Variants in HJURP observed in about 807,000 individuals in gnomAD.
HJURP encodes the protein Holliday junction recognition protein, also known as 14-3-3-associated AKT substrate.
HJURP carries 49 observed loss-of-function variants against 72.0 expected under a neutral mutation model. That is an observed-to-expected ratio of 0.68 (90% CI 0.54 to 0.86). The LOEUF is 0.86. Among genes scored for constraint, HJURP ranks in the 40% least tolerant of loss-of-function variants. The pLI is 0.00. For synonymous variants in HJURP, 357 were observed against 347.1 expected (o/e 1.03, Z -0.32); for missense variants, 908 against 936.3 (o/e 0.97, Z 0.39).
chr2:233,847,358 C>A (rs368354355), intron 5 of HJURP, 39 bp downstream of exon 5: 2 of 1,520,578 alleles, frequency 1.3e-6, no homozygotes, highest in East Asian at 4.5e-5. Flanking sequence ...AGCCCCCAAG[C>A]GCCCCCTCTG....
At chr2:233,847,924 G>C (rs1705407407) in intron 4 of HJURP, among the ~76,000 whole-genome samples, 1 of 152,170 alleles carries the variant, frequency 6.6e-6, no homozygotes, top group Admixed American at 6.5e-5. Context: ...AGGGCTGGTG[G>C]GTGCCATACT....
intron 8 of HJURP, among the ~76,000 whole-genome samples, 173 bp from the exon 9 acceptor site, chr2:233,837,825 A>C (rs1446088626): frequency 1.3e-5 from 2 of 152,202 alleles, no homozygotes; most frequent in Admixed American, 6.5e-5. Flanking sequence ...ACAAAAATAT[A>C]ATGGCAACCC....
In HJURP at chr2:233,841,874, CT is replaced by C; in HGVS notation, c.905del (p.Lys302ArgfsTer4). 2 of 1,614,200 alleles carry C rather than the reference CT, an allele frequency of 1.2e-6. No individual in the cohort carries two copies. The highest frequency in any genetic ancestry group is 2.2e-5 in the South Asian group (2 of 91,086). ...NWNSRRRHRY[K>X]SRMNKTYCKG... ...TGCAATATGTTTTGTTCATCCTGCT[CT>C]TATATCTGTGCCTCCTCCTGGAGTT... On this transcript the variant is annotated frameshift_variant, in exon 8 of 9. Coordinates refer to ENST00000411486, the MANE Select transcript of HJURP (RefSeq NM_018410.5). LOFTEE classifies it high-confidence loss of function.
In HJURP at chr2:233,846,707, G is replaced by A. The variant is rs1275666033; in HGVS notation, c.402+690C>T. ...GTCACTGAAAGTCACACATGGGTGCGTGGGAAACCCTCTGCACAAAAGTAG... is the reference window on the plus strand; with the variant it reads ...GTCACTGAAAGTCACACATGGGTGCATGGGAAACCCTCTGCACAAAAGTAG... On this transcript the variant is annotated intron_variant, in intron 5 of 8. Coordinates refer to ENST00000411486, the MANE Select transcript of HJURP (RefSeq NM_018410.5). The surrounding 1 kb of genome is among the most constrained non-coding windows in gnomAD (Gnocchi z 4.3). 1.3e-5 allele frequency among the ~76,000 whole-genome samples: 2 copies of A among 152,146 alleles called. No individual in the cohort carries two copies. Among genetic ancestry groups the A allele is most frequent in the African/African-American group, 2.4e-5 (1 of 41,432 alleles).
At position 233,845,749 on chromosome 2, in the gene HJURP, T is replaced by C; in HGVS notation, c.474A>G (p.Leu158=). 1.2e-6 allele frequency: 2 copies of C among 1,609,696 alleles called. No individual in the cohort carries two copies. Among genetic ancestry groups the C allele is most frequent in the Non-Finnish European group, 1.7e-6 (2 of 1,175,984 alleles). Residue 158 remains leucine (L), a synonymous_variant, in exon 6 of 9, where the codon CTA becomes CTG. Transcript: ENST00000411486. ...RKYLTQVDIL[L]QGAEYFECAG... ...TTACCTCAAAATACTCTGCACCTTG[T>C]AGCAGTATATCCACTTGGGTCAAGT...
At chr2:233,853,791 T>G in intron 2 of HJURP, 53 bp downstream of exon 2, 1 of 1,422,068 alleles carries the variant, frequency 7.0e-7, no homozygotes, top group South Asian at 1.2e-5. Context: ...GCATTTCAAC[T>G]ACTCCATTCA....
chr2:233,849,997 T>A, intron 3 of HJURP, 138 bp from the exon 4 acceptor site: 2 of 625,746 alleles, frequency 3.2e-6, no homozygotes, highest in South Asian at 3.7e-5. Flanking sequence ...CTCTTCTCCC[T>A]GCATGTCCAC....
chr2:233,841,043 T>A lies in HJURP; in HGVS notation c.1737A>T (p.Glu579Asp). 6.2e-7 allele frequency: 1 copy of A among 1,614,224 alleles called. No homozygotes were observed. The highest frequency in any genetic ancestry group is 8.5e-7 in the Non-Finnish European group (1 of 1,180,038). Residue 579 changes from glutamate to aspartate, a missense_variant, in exon 8 of 9, where the codon GAA becomes GAT. Physicochemically the swap from Glu to Asp is conservative, Grantham distance 45 (BLOSUM62 2). Around this residue, in one of 3 missense-constraint regions of HJURP, gnomAD observed 598 missense variants for 619.5 expected, o/e 0.97. Coordinates refer to ENST00000411486, the MANE Select transcript of HJURP (RefSeq NM_018410.5). Reference sequence around the variant, plus strand: ...GAAGCTTGTCAAATTCTTCTTTAATTTCATCGTAACGATTCCTTCCGTGGC... The same window carrying A: ...GAAGCTTGTCAAATTCTTCTTTAATATCATCGTAACGATTCCTTCCGTGGC... ...VPGHGRNRYD[E>D]IKEEFDKLHQ...
intron 8 of HJURP, among the ~76,000 whole-genome samples, chr2:233,838,831 C>T (rs1219519696): frequency 6.6e-6 from 1 of 152,218 alleles, no homozygotes; most frequent in East Asian, 1.9e-4. Flanking sequence ...TTCTTGAAGG[C>T]TTCACTAACT....
At position 233,853,874 on chromosome 2, in the gene HJURP, T is replaced by A; in HGVS notation, c.154A>T (p.Met52Leu). 1 of 1,614,032 alleles carries A rather than the reference T, an allele frequency of 6.2e-7. No individual in the cohort carries two copies. Among genetic ancestry groups the A allele is most frequent in the South Asian group, 1.1e-5 (1 of 91,076 alleles). The change falls in exon 2 of 9, where the codon ATG becomes TTG. Residue 52 changes from methionine to leucine, a missense_variant. Around this residue, in one of 3 missense-constraint regions of HJURP, gnomAD observed 299 missense variants for 286.7 expected, o/e 1.04. Transcript: ENST00000411486. Reference sequence around the variant, plus strand: ...GGCGTCTCGTAGGTCAGCGTGGCCATTTGCACCACCGGGGTGTCCTCGAAG... The same window carrying A: ...GGCGTCTCGTAGGTCAGCGTGGCCAATTGCACCACCGGGGTGTCCTCGAAG... ...QPFEDTPVVQ[M>L]ATLTYETPQG...
rs749524750 is a variant in HJURP, at chr2:233,841,610, G to A, written c.1170C>T (p.Phe390=). 1.3e-5 allele frequency: 21 copies of A among 1,614,042 alleles called. No homozygotes were observed. The highest frequency in any genetic ancestry group is 4.4e-5 in the South Asian group (4 of 91,084). ...TPSKYSSLIY[F]DSSATYNLDE... ...CAAGATTATATGTTGCACTGGAGTCGAAGTAAATCAAGGAAGAATACTTCG... is the reference window on the plus strand; with the variant it reads ...CAAGATTATATGTTGCACTGGAGTCAAAGTAAATCAAGGAAGAATACTTCG... Residue 390 remains phenylalanine (F), a synonymous_variant, in exon 8 of 9, where the codon TTC becomes TTT. Transcript: ENST00000411486.
intron 4 of HJURP, among the ~76,000 whole-genome samples, chr2:233,849,187 A>T (rs1208700106): frequency 6.6e-6 from 1 of 152,108 alleles, no homozygotes; most frequent in Non-Finnish European, 1.5e-5. Flanking sequence ...GGTAAAGGGA[A>T]CTGGGCAAAG....
Position 233,853,852 on chromosome 2 carries a change from G to A in HJURP, c.176C>T (p.Thr59Met), listed in dbSNP as rs1433409566. 14 of 1,613,798 alleles carry A rather than the reference G, an allele frequency of 8.7e-6. No individual in the cohort carries two copies. The highest frequency in any genetic ancestry group is 1.1e-5 in the Non-Finnish European group (13 of 1,179,696). Residue 59 changes from threonine (T) to methionine (M), a missense_variant, in exon 2 of 9, where the codon ACG becomes ATG. This residue lies in a region of HJURP where 299 missense variants were observed against 286.7 expected (regional missense o/e 1.04). Coordinates refer to ENST00000411486, the MANE Select transcript of HJURP (RefSeq NM_018410.5). Reference protein sequence around the residue: ...VVQMATLTYETPQGLRIWGGR... With the variant: ...VVQMATLTYEMPQGLRIWGGR... Reference sequence around the variant, plus strand: ...GTGGGGAAGACCCTTACCCTGTGGCGTCTCGTAGGTCAGCGTGGCCATTTG... The same window carrying A: ...GTGGGGAAGACCCTTACCCTGTGGCATCTCGTAGGTCAGCGTGGCCATTTG...
chr2:233,840,705 CCGGAGCCCTGGGGTT>C lies in HJURP; in HGVS notation c.2060_2074del (p.Glu687_Ser691del). On this transcript the variant is annotated inframe_deletion, in exon 8 of 9. Transcript: ENST00000411486. The stretch of plus-strand genomic sequence containing the variant: ...GGCACCCAGGGAATTGCCCTGGCGT[CCGGAGCCCTGGGGTT>C]CTGATAGCCTGGGTCTTTTTGCAGG... 2 of 1,614,116 alleles carry C rather than the reference CCGGAGCCCTGGGGTT, an allele frequency of 1.2e-6. No individual in the cohort carries two copies. Among genetic ancestry groups the C allele is most frequent in the Middle Eastern group, 1.6e-4 (1 of 6,062 alleles).
intron 5 of HJURP, 73 bp downstream of exon 5, chr2:233,847,324 C>T: frequency 4.2e-6 from 5 of 1,198,478 alleles, no homozygotes; most frequent in Non-Finnish European, 6.2e-6. Context: ...CGCCTCAGGC[C>T]ACATGGGCTT....
intron 7 of HJURP, 131 bp downstream of exon 7, chr2:233,844,074 A>T (rs1705296347): frequency 2.9e-6 from 2 of 690,386 alleles, no homozygotes; most frequent in African/African-American, 1.8e-5. Context: ...GTATATCTCT[A>T]ACAAGTTATG....
In HJURP at chr2:233,847,410, G is replaced by T. The variant is rs1214353199; in HGVS notation, c.389C>A (p.Ala130Asp). The T allele has an allele frequency of 6.2e-7, 1 of 1,613,830 alleles. No homozygotes were observed. Among genetic ancestry groups the T allele is most frequent in the Non-Finnish European group, 8.5e-7 (1 of 1,179,704 alleles). The change falls in exon 5 of 9, where the codon GCT (alanine) becomes GAT (aspartate). Residue 130 changes from alanine (A) to aspartate (D), a missense_variant. Transcript: ENST00000411486. ...GGCAGCACTTACTGCTAAGGCCCAA[G>T]CAACTGACTCTTCCTGGTCTGACGT... The part of the protein sequence containing the change: ...DATSDQEESV[A>D]WALAPAVPQS...
chr2:233,849,015 C>T (rs969589367), intron 4 of HJURP, among the ~76,000 whole-genome samples: 8 of 152,206 alleles, frequency 5.3e-5, no homozygotes, highest in Non-Finnish European at 2.9e-5. Flanking sequence ...AAGAATAAAA[C>T]CCAAAGAATG....
chr2:233,837,725 T>A lies in HJURP; in HGVS notation c.2172-73A>T. ...ATTCCCAATGCCAGCCACTAAAAGG[T>A]TAACTGTTTTCTACTTATTCCATTG... is the stretch of plus-strand genomic sequence containing the variant. On this transcript the variant is annotated intron_variant, in intron 8 of 8. Transcript: ENST00000411486. 5 of 947,940 alleles carry A rather than the reference T, an allele frequency of 5.3e-6. No individual in the cohort carries two copies. In the South Asian group the frequency reaches 5.6e-5, roughly 11 times the overall value. 58.7% of individuals were successfully genotyped at this position (947,940 alleles called of 1,614,324 possible).
Sources: allele counts gnomAD v4.1 joint callset (sites outside exome capture counted in the v4.1 genomes callset), GRCh38; gene constraint gnomAD v4.1.1; regional missense constraint gnomAD v4.1.1; non-coding constraint Gnocchi (gnomAD v3.1); transcripts MANE v1.5; gene names NCBI Gene and HGNC (gene_info 2026-07-23, HGNC 2026-07-21).